LARP4B: variants seen among roughly 807,000 people sequenced by gnomAD.
The protein encoded by LARP4B is la-related protein 4B.
Under a neutral mutation model 89.8 loss-of-function variants are expected in LARP4B, and 12 were observed. The ratio of observed to expected loss-of-function variants is 0.13; its 90% CI spans 0.09 to 0.22. The LOEUF (loss-of-function observed/expected upper bound fraction) is 0.22. LARP4B is among the 10% of genes least tolerant of loss of function. LARP4B has a pLI of 1.00. For missense variants in LARP4B, 757 were observed against 947.7 expected (o/e 0.80, Z 2.64); for synonymous variants, 367 against 363.3 (o/e 1.01, Z -0.12).
At chr10:966,093 TTTA>T in the LARP4B span, among the ~76,000 whole-genome samples, 5 of 145,174 alleles carry the variant, frequency 3.4e-5, no homozygotes, top group Non-Finnish European at 7.6e-5. Flanking sequence ...TGTATGAGAT[TTTA>T]TTTTGTTTCT....
At chr10:842,357 C>G (rs1025022312) in intron 7 of LARP4B, among the ~76,000 whole-genome samples, 1 of 152,090 alleles carries the variant, frequency 6.6e-6, no homozygotes, top group Non-Finnish European at 1.5e-5. Flanking sequence ...ACCACCACGC[C>G]CAGCTAATTT....
intron 5 of LARP4B, among the ~76,000 whole-genome samples, chr10:857,326 A>C (rs1340886034): frequency 6.6e-6 from 1 of 152,138 alleles, no homozygotes; most frequent in Non-Finnish European, 1.5e-5. Flanking sequence ...AGGGGGAAAA[A>C]AACTGTGAGA....
downstream of LARP4B, chr10:809,190 CCAA>C (rs1238856145): frequency 1.3e-5 from 2 of 152,190 alleles, no homozygotes; most frequent in Non-Finnish European, 2.9e-5. Flanking sequence ...CCATGAAGAC[CCAA>C]CGTTAGCTCC....
At chr10:904,960 A>G (rs1402688547) in intron 1 of LARP4B, among the ~76,000 whole-genome samples, 1 of 152,182 alleles carries the variant, frequency 6.6e-6, no homozygotes, top group Non-Finnish European at 1.5e-5. Context: ...CAATGTACAG[A>G]CCTCATTTCA....
chr10:906,832 CAA>C (rs1836505865), intron 1 of LARP4B, among the ~76,000 whole-genome samples: 1 of 152,212 alleles, frequency 6.6e-6, no homozygotes. Flanking sequence ...AACTTCTGCT[CAA>C]GTTTCTATCC....
At chr10:942,027 A>G in the LARP4B span, among the ~76,000 whole-genome samples, 1 of 152,192 alleles carries the variant, frequency 6.6e-6, no homozygotes, top group Non-Finnish European at 1.5e-5. Flanking sequence ...GAGGTGAACA[A>G]ATGTGCCACT....
intron 12 of LARP4B, 73 bp from the exon 13 acceptor site, chr10:825,389 G>A (rs1832568321): frequency 2.8e-6 from 4 of 1,446,824 alleles, no homozygotes; most frequent in Non-Finnish European, 3.8e-6. Flanking sequence ...ATACTGACAT[G>A]GAATAGCTAA....
chr10:860,889 G>T (rs754704154), intron 5 of LARP4B, among the ~76,000 whole-genome samples: 3 of 152,138 alleles, frequency 2.0e-5, no homozygotes, highest in Non-Finnish European at 4.4e-5. Context: ...GGGCATGAAG[G>T]CTTACACCTG....
chr10:934,735 C>G (rs1830725688), upstream of LARP4B, among the ~76,000 whole-genome samples: 1 of 152,164 alleles, frequency 6.6e-6, no homozygotes, highest in African/African-American at 2.4e-5. Flanking sequence ...GTATAAATTT[C>G]TCAAACCATG....
At chr10:849,922 GA>G (rs1833957043) in intron 5 of LARP4B, among the ~76,000 whole-genome samples, 1 of 152,124 alleles carries the variant, frequency 6.6e-6, no homozygotes, top group African/African-American at 2.4e-5. Context: ...CACAAACAAG[GA>G]AAGCCTGGGA....
intron 1 of LARP4B, among the ~76,000 whole-genome samples, chr10:916,360 T>G (rs1269207058): frequency 6.6e-6 from 1 of 152,200 alleles, no homozygotes; most frequent in Non-Finnish European, 1.5e-5. Context: ...AAAATTTGCT[T>G]TTTCTTCAAG....
At chr10:908,878 C>A (rs933460855) in intron 1 of LARP4B, among the ~76,000 whole-genome samples, 8 of 152,178 alleles carry the variant, frequency 5.3e-5, no homozygotes, top group African/African-American at 1.9e-4. Flanking sequence ...GCCTCCCTTG[C>A]CAGGTGGTGA....
Position 825,853 on chromosome 10 carries a change from A to G in LARP4B, c.1143T>C (p.Asn381=), listed in dbSNP as rs774887831. The G allele has an allele frequency of 5.0e-6, 8 of 1,611,184 alleles. No individual in the cohort carries two copies. The highest frequency in any genetic ancestry group is 6.8e-6 in the Non-Finnish European group (8 of 1,178,198). The part of the protein sequence containing the change: ...LDPPLVTPFP[N]TGFINGFTSP... ...ACGTAAACCCATTTATAAATCCAGT[A>G]TTTGGAAATGGAGTTACCTAGATTC... The change falls in exon 12 of 18, where the codon AAT becomes AAC. Residue 381 remains asparagine, a synonymous_variant. Transcript: ENST00000316157.
chr10:835,035 G>A (rs1415476202), intron 8 of LARP4B, among the ~76,000 whole-genome samples: 2 of 129,816 alleles, frequency 1.5e-5, no homozygotes, highest in East Asian at 2.1e-4. Flanking sequence ...GCAAGACTCC[G>A]TCTCAAAAAA....
the LARP4B span, chr10:987,639 T>C: frequency 6.6e-6 from 1 of 152,194 alleles, no homozygotes; most frequent in African/African-American, 2.4e-5. Context: ...CAGCCCTACC[T>C]AACGTTTAAT....
At chr10:890,200 C>T (rs1835975329) in intron 1 of LARP4B, among the ~76,000 whole-genome samples, 1 of 152,162 alleles carries the variant, frequency 6.6e-6, no homozygotes, top group South Asian at 2.1e-4. Context: ...GTGGAGCTCC[C>T]TATTCGCAAT....
At chr10:864,089 A>T in intron 4 of LARP4B, 34 bp downstream of exon 4, 1 of 1,612,648 alleles carries the variant, frequency 6.2e-7, no homozygotes, top group Non-Finnish European at 8.5e-7. Context: ...GCCTGAAAGC[A>T]GGGGGCTGCA....
At chr10:872,980 A>T in intron 3 of LARP4B, 1 of 973,384 alleles carries the variant, frequency 1.0e-6, no homozygotes, top group Non-Finnish European at 1.2e-6. Flanking sequence ...TGCTGGCTCC[A>T]CTGCCAGTAC....
intron 3 of LARP4B, among the ~76,000 whole-genome samples, chr10:880,838 G>C (rs117448851): frequency 1.3e-3 from 199 of 152,286 alleles, no homozygotes; most frequent in Non-Finnish European, 2.2e-3. Flanking sequence ...CTTCTGAGGA[G>C]GTAATTTAAC....
Sources: allele counts gnomAD v4.1 joint callset (sites outside exome capture counted in the v4.1 genomes callset), GRCh38; gene constraint gnomAD v4.1.1; transcripts MANE v1.5; gene names NCBI Gene and HGNC (gene_info 2026-07-23, HGNC 2026-07-21).